TTLL7: variants seen among roughly 807,000 people sequenced by gnomAD.
TTLL7 encodes the protein tubulin tyrosine ligase like 7, also known as tubulin polyglutamylase TTLL7.
A neutral mutation model predicts 120.2 loss-of-function variants in TTLL7; 53 were observed. The observed-to-expected ratio is 0.44, with a 90% CI of 0.35 to 0.55. TTLL7 has a LOEUF of 0.55. Ranked by LOEUF, TTLL7 falls within the 20% of genes least tolerant of loss-of-function variation. The pLI, the probability that TTLL7 is intolerant of heterozygous loss-of-function variation, is 0.00. For missense variants in TTLL7, 803 were observed against 1,054.7 expected, an observed-to-expected ratio of 0.76 and a Z score of 3.31; for synonymous variants, 353 against 351.7, an observed-to-expected ratio of 1.00 and a Z score of -0.04.
chr1:83,911,315 A>C lies in TTLL7; in HGVS notation c.1636T>G (p.Tyr546Asp). 1 of 1,613,774 alleles carries C rather than the reference A, an allele frequency of 6.2e-7. No individual in the cohort carries two copies. Among genetic ancestry groups the C allele is most frequent in the Non-Finnish European group, 8.5e-7 (1 of 1,179,800 alleles). Residue 546 changes from tyrosine (Y) to aspartate (D), a missense_variant, in exon 15 of 21, where the codon TAC becomes GAC. Physicochemically the swap from Tyr to Asp is radical, Grantham distance 160 (BLOSUM62 -3). Around this residue, in one of 3 missense-constraint regions of TTLL7, gnomAD observed 388 missense variants for 450.4 expected, o/e 0.86. Coordinates refer to ENST00000260505, the MANE Select transcript of TTLL7 (RefSeq NM_024686.6). ...ESTEIMKRPK[Y>D]CSSDSSYDSS... ...TCATAACTGCTGTCACTGCTGCAGTACTTTGGTCTTTTCATTATCTCAGTA... is the reference window on the plus strand; with the variant it reads ...TCATAACTGCTGTCACTGCTGCAGTCCTTTGGTCTTTTCATTATCTCAGTA...
chr1:83,876,791 TAA>T (rs1207536765), intron 20 of TTLL7, among the ~76,000 whole-genome samples: 2 of 152,194 alleles, frequency 1.3e-5, no homozygotes, highest in South Asian at 2.1e-4. Context: ...TCAAAATTGT[TAA>T]ATTCACTTTA....
At chr1:83,994,524 C>G (rs1653308088) in intron 1 of TTLL7, among the ~76,000 whole-genome samples, 1 of 152,220 alleles carries the variant, frequency 6.6e-6, no homozygotes, top group South Asian at 2.1e-4. Context: ...CACAGTCTCT[C>G]TCCTGCATGA....
intron 1 of TTLL7, among the ~76,000 whole-genome samples, chr1:83,961,098 A>G (rs1265268629): frequency 6.6e-6 from 1 of 152,174 alleles, no homozygotes; most frequent in Non-Finnish European, 1.5e-5. Flanking sequence ...CTTGAGCAAC[A>G]GTAACTCCCA....
chr1:83,977,612 G>A lies in TTLL7; in HGVS notation c.-177+21319C>T, dbSNP rs551094220. ...TCTAATTCATCTCAGGAAGAGACAGGCTGCAGCATCCACAATTCTGATGAT... is the reference window on the plus strand; with the variant it reads ...TCTAATTCATCTCAGGAAGAGACAGACTGCAGCATCCACAATTCTGATGAT... On this transcript the variant is annotated intron_variant, in intron 1 of 20. Transcript: ENST00000260505. Among the ~76,000 whole-genome samples the A allele has an allele frequency of 2.0e-5, 3 of 152,260 alleles. No homozygotes were observed. In the South Asian group the frequency reaches 6.2e-4, roughly 32 times the overall value.
Position 83,917,757 on chromosome 1 carries a change from A to G in TTLL7, c.1501-67T>C. Reference sequence around the variant, plus strand: ...CTCTAGAATTTTTCCAAGTTGATTAATCTCCACAAAATAATGCAGAGCAAG... The same window carrying G: ...CTCTAGAATTTTTCCAAGTTGATTAGTCTCCACAAAATAATGCAGAGCAAG... On this transcript the variant is annotated intron_variant, in intron 13 of 20. Coordinates refer to ENST00000260505, the MANE Select transcript of TTLL7 (RefSeq NM_024686.6). 3 of 1,026,402 alleles carry G rather than the reference A, an allele frequency of 2.9e-6. No individual in the cohort carries two copies. The Admixed American group carries it at 6.1e-5, about 21-fold the overall frequency. The allele number at this position is 1,026,402 out of a possible 1,614,324, so 63.6% of individuals were successfully genotyped here. A position where few individuals can be genotyped will look rare whatever the true frequency, so the allele number is the denominator to read the frequency against.
At chr1:83,998,825 G>A (rs1382355839) in intron 1 of TTLL7, 106 bp downstream of exon 1, 1 of 323,802 alleles carries the variant, frequency 3.1e-6, no homozygotes, top group Non-Finnish European at 6.1e-6. Flanking sequence ...CCCCAGAGCA[G>A]TGACAGTCCG....
chr1:83,934,819 T>A (rs1647248022), intron 8 of TTLL7, among the ~76,000 whole-genome samples: 1 of 152,130 alleles, frequency 6.6e-6, no homozygotes, highest in African/African-American at 2.4e-5. Flanking sequence ...TTGCTTAAAC[T>A]TTGTGTGTCT....
rs1284016485 is a variant in TTLL7, at chr1:83,866,576, A to G, written c.*3386T>C. On this transcript the variant is annotated 3_prime_UTR_variant, in exon 21 of 21. Transcript: ENST00000260505. ...GAAAGAAATAGTTGAAACTGTTTGT[A>G]TATTTAGAAATAATTTTGACCTATG... 4.0e-5 allele frequency: 6 copies of G among 151,880 alleles called. No individual in the cohort carries two copies. The highest frequency in any genetic ancestry group is 8.9e-5 in the Non-Finnish European group (6 of 67,780). 9.4% of individuals were successfully genotyped at this position (151,880 alleles called of 1,614,324 possible).
intron 14 of TTLL7, 78 bp from the exon 15 acceptor site, chr1:83,911,441 T>C: frequency 8.7e-7 from 1 of 1,154,136 alleles, no homozygotes; most frequent in African/African-American, 1.6e-5. Context: ...CTATTTTTAA[T>C]TTCCCCCTAT....
At chr1:83,893,007 G>A (rs1655907766) in intron 18 of TTLL7, among the ~76,000 whole-genome samples, 1 of 149,916 alleles carries the variant, frequency 6.7e-6, no homozygotes, top group Admixed American at 6.6e-5. Context: ...GAGAGGAGAG[G>A]AGAGGAGAGA....
chr1:83,942,775 G>A (rs1648098935), intron 6 of TTLL7, 96 bp from the exon 7 acceptor site: 1 of 857,636 alleles, frequency 1.2e-6, no homozygotes, highest in Non-Finnish European at 1.8e-6. Context: ...GTGGAGTAAG[G>A]GACTCCAAAA....
intron 7 of TTLL7, among the ~76,000 whole-genome samples, chr1:83,939,971 G>A (rs1386188063): frequency 6.6e-6 from 1 of 152,016 alleles, no homozygotes; most frequent in Non-Finnish European, 1.5e-5. Context: ...AGACACTTCT[G>A]TATTTCACTT....
At chr1:83,905,616 T>C (rs942016858) in intron 17 of TTLL7, among the ~76,000 whole-genome samples, 4 of 151,096 alleles carry the variant, frequency 2.6e-5, no homozygotes, top group Admixed American at 2.0e-4. Context: ...TTTATAAATA[T>C]ACATATGGCC....
intron 1 of TTLL7, among the ~76,000 whole-genome samples, chr1:83,962,370 G>A (rs1362257233): frequency 6.6e-6 from 1 of 151,920 alleles, no homozygotes; most frequent in Non-Finnish European, 1.5e-5. Context: ...CTTTTTCAAT[G>A]CACACCTTAT....
chr1:83,930,578 A>G (rs1425721969), intron 9 of TTLL7, among the ~76,000 whole-genome samples: 3 of 152,322 alleles, frequency 2.0e-5, no homozygotes, highest in Admixed American at 1.3e-4. Context: ...GTAAAGTAAT[A>G]TATTTTATGG....
At chr1:83,922,450 TAAAG>T (rs1246509044) in intron 10 of TTLL7, among the ~76,000 whole-genome samples, 1 of 152,150 alleles carries the variant, frequency 6.6e-6, no homozygotes, top group Non-Finnish European at 1.5e-5. Context: ...CCCTAAACAA[TAAAG>T]AGAGTTCTTT....
chr1:83,974,566 T>C (rs1651288737), intron 1 of TTLL7, among the ~76,000 whole-genome samples: 1 of 151,972 alleles, frequency 6.6e-6, no homozygotes, highest in African/African-American at 2.4e-5. Context: ...TTAATAAACA[T>C]AAGGTATTGT....
chr1:83,998,060 T>C (rs1032133528), intron 1 of TTLL7, among the ~76,000 whole-genome samples: 3 of 152,258 alleles, frequency 2.0e-5, no homozygotes, highest in Non-Finnish European at 2.9e-5. Context: ...TAATTAATTC[T>C]ATGTTTAATA....
intron 17 of TTLL7, among the ~76,000 whole-genome samples, chr1:83,904,454 G>A (rs570275155): frequency 6.6e-6 from 1 of 152,148 alleles, no homozygotes; most frequent in South Asian, 2.1e-4. Flanking sequence ...GGCCAATATG[G>A]CAAAACCCTG....
Sources: gnomAD v4.1 joint callset for allele counts (sites outside exome capture counted in the v4.1 genomes callset) on GRCh38, gnomAD v4.1.1 for gene constraint, gnomAD v4.1.1 regional missense constraint, MANE v1.5 for transcripts, NCBI Gene and HGNC (gene_info 2026-07-23, HGNC 2026-07-21) for gene names.